Variants in PTPRN2 observed in about 807,000 individuals in gnomAD.
PTPRN2 encodes the protein protein tyrosine phosphatase receptor type N2.
In PTPRN2, 74 loss-of-function variants were observed where a neutral mutation model predicts 118.8. That is an observed-to-expected ratio of 0.62 (90% CI 0.52 to 0.76). The LOEUF (loss-of-function observed/expected upper bound fraction) is 0.76. Among genes scored for constraint, PTPRN2 ranks in the 30% least tolerant of loss-of-function variants. PTPRN2 has a pLI of 0.00. For missense variants in PTPRN2, 1,481 were observed against 1,394.4 expected (o/e 1.06, Z -0.99); for synonymous variants, 641 against 608.0 (o/e 1.05, Z -0.80).
chr7:157,682,565 C>T (rs981521532), intron 13 of PTPRN2, among the ~76,000 whole-genome samples, 160 bp downstream of exon 13: 8 of 152,136 alleles, frequency 5.3e-5, no homozygotes, highest in Admixed American at 3.3e-4. Context: ...CGTATTTGCA[C>T]GAATGCTGAT....
rs1803838121 is a variant in PTPRN2, at chr7:157,986,915, T to C, written c.1724-88178A>G. Among the ~76,000 whole-genome samples the C allele has an allele frequency of 1.3e-5, 2 of 152,104 alleles. No individual in the cohort carries two copies. Among genetic ancestry groups the C allele is most frequent in the Admixed American group, 1.3e-4 (2 of 15,272 alleles). ...CTGGAGCGAGGGGGCCCAGTGACTT[T>C]GGGGTCATTTGCACGGTATCAGCTA... is the stretch of plus-strand genomic sequence containing the variant. On this transcript the variant is annotated intron_variant, in intron 11 of 22. Transcript: ENST00000389418. The surrounding 1 kb of genome is among the most constrained non-coding windows in gnomAD (Gnocchi z 4.5).
intron 12 of PTPRN2, among the ~76,000 whole-genome samples, chr7:157,754,794 TA>T: frequency 6.6e-6 from 1 of 152,358 alleles, no homozygotes; most frequent in East Asian, 1.9e-4. Flanking sequence ...AAAGGTGGCG[TA>T]AACACTGGAG....
At chr7:158,031,341 C>T (rs1807674985) in intron 11 of PTPRN2, among the ~76,000 whole-genome samples, 1 of 152,178 alleles carries the variant, frequency 6.6e-6, no homozygotes, top group Admixed American at 6.5e-5. Context: ...CAGTATCTGA[C>T]ATTTGGGGTC....
chr7:158,033,885 A>G (rs1424514902), intron 11 of PTPRN2, among the ~76,000 whole-genome samples: 1 of 146,348 alleles, frequency 6.8e-6, no homozygotes, highest in East Asian at 2.1e-4. Context: ...GTGGCTGCAC[A>G]CTGAGACCCC....
At position 158,067,658 on chromosome 7, in the gene PTPRN2, G is replaced by T. The variant is rs531537536; in HGVS notation, c.1723+13640C>A. Among the ~76,000 whole-genome samples, 24 of 152,302 alleles carry T rather than the reference G, an allele frequency of 1.6e-4. No individual in the cohort carries two copies. The East Asian group carries it at 4.4e-3, about 28-fold the overall frequency. On this transcript the variant is annotated intron_variant, in intron 11 of 22. Transcript: ENST00000389418. ...TCGGGCAGTCCACCGTGACCACGCA[G>T]CTCTGCCTGTGGCGAAAGCTGCCAG... is the stretch of plus-strand genomic sequence containing the variant.
In PTPRN2 at chr7:157,647,048, C is replaced by T. The variant is rs868321748; in HGVS notation, c.2196+9309G>A. On this transcript the variant is annotated intron_variant, in intron 14 of 22. Transcript: ENST00000389418. ...AACTCGGTGGGTCGGACCCATCCAG[C>T]GTGCACTGAACTCGGTGGGTCGGAC... 2.5e-4 allele frequency among the ~76,000 whole-genome samples: 32 copies of T among 126,668 alleles called. No homozygotes were observed. The East Asian group carries it at 2.6e-3, about 10-fold the overall frequency. 83.1% of individuals were successfully genotyped at this position (126,668 alleles called of 152,430 possible).
intron 12 of PTPRN2, among the ~76,000 whole-genome samples, chr7:157,734,618 G>C (rs190676873): frequency 6.6e-6 from 1 of 152,190 alleles, no homozygotes; most frequent in Non-Finnish European, 1.5e-5. Context: ...TGATTCAGCC[G>C]AGACGCCCCA....
intron 3 of PTPRN2, among the ~76,000 whole-genome samples, chr7:158,314,640 G>A (rs1802139639): frequency 6.6e-6 from 1 of 151,460 alleles, no homozygotes; most frequent in Non-Finnish European, 1.5e-5. Context: ...TGTGCATCAG[G>A]GAGCTGCCCG....
chr7:158,518,962 G>A (rs577146311), intron 1 of PTPRN2, among the ~76,000 whole-genome samples: 75 of 152,238 alleles, frequency 4.9e-4, no homozygotes, highest in African/African-American at 1.7e-3. Context: ...TCCAGCCTGG[G>A]TGACAAAGCA....
In PTPRN2 at chr7:157,967,266, T is replaced by A. The variant is rs556288013; in HGVS notation, c.1724-68529A>T. On this transcript the variant is annotated intron_variant, in intron 11 of 22. Transcript: ENST00000389418. ...TCGAGGCTGCAGTGCACTGTGATTG[T>A]GCCACTGCACTCCAGCCTGGGCGAC... 2.0e-5 allele frequency among the ~76,000 whole-genome samples: 3 copies of A among 152,352 alleles called. No homozygotes were observed. In the South Asian group the frequency reaches 6.2e-4, roughly 32 times the overall value.
At chr7:157,680,071 T>C (rs1796849033) in intron 13 of PTPRN2, among the ~76,000 whole-genome samples, 1 of 152,246 alleles carries the variant, frequency 6.6e-6, no homozygotes, top group Non-Finnish European at 1.5e-5. Flanking sequence ...ATAAAACTTA[T>C]GATATTGCCA....
intron 2 of PTPRN2, among the ~76,000 whole-genome samples, chr7:158,463,595 C>T (rs1819164541): frequency 6.6e-6 from 1 of 151,240 alleles, no homozygotes; most frequent in Non-Finnish European, 1.5e-5. Flanking sequence ...TCACCGTCAC[C>T]ATCATCATTG....
At chr7:157,704,918 A>G (rs1798250805) in intron 12 of PTPRN2, among the ~76,000 whole-genome samples, 1 of 152,256 alleles carries the variant, frequency 6.6e-6, no homozygotes. Context: ...AGTGACTGTT[A>G]TCAAATGTCT....
chr7:157,557,215 T>C (rs1313062706), intron 21 of PTPRN2, among the ~76,000 whole-genome samples: 2 of 142,308 alleles, frequency 1.4e-5, no homozygotes, highest in East Asian at 2.1e-4. Context: ...CCCACTTACA[T>C]AGGTCATACA....
chr7:158,233,307 C>A (rs1241549361), intron 3 of PTPRN2, among the ~76,000 whole-genome samples: 2 of 152,138 alleles, frequency 1.3e-5, no homozygotes, highest in African/African-American at 4.8e-5. Flanking sequence ...TAAAGTAACC[C>A]TATTTCCAAT....
chr7:158,254,769 A>G (rs1585999141), intron 3 of PTPRN2, among the ~76,000 whole-genome samples: 1 of 152,278 alleles, frequency 6.6e-6, no homozygotes, highest in Non-Finnish European at 1.5e-5. Flanking sequence ...AGCAGAGGGC[A>G]TGAGTTTCAC....
At chr7:158,294,815 C>T (rs1465465624) in intron 3 of PTPRN2, among the ~76,000 whole-genome samples, 1 of 152,158 alleles carries the variant, frequency 6.6e-6, no homozygotes, top group African/African-American at 2.4e-5. Context: ...GCTGACCCTG[C>T]CTGTCTGCCC....
intron 12 of PTPRN2, among the ~76,000 whole-genome samples, chr7:157,807,670 C>T (rs1585520333): frequency 1.3e-5 from 2 of 152,366 alleles, no homozygotes; most frequent in South Asian, 4.1e-4. Flanking sequence ...TCCTTCACAT[C>T]CTGGAGCTTT....
chr7:158,146,830 G>A (rs185393866), intron 6 of PTPRN2, among the ~76,000 whole-genome samples: 2 of 152,038 alleles, frequency 1.3e-5, no homozygotes, highest in East Asian at 3.9e-4. Flanking sequence ...AAAATGTTTT[G>A]GAGGCCAGAG....
Sources: allele counts gnomAD v4.1 joint callset (sites outside exome capture counted in the v4.1 genomes callset), GRCh38; gene constraint gnomAD v4.1.1; non-coding constraint Gnocchi (gnomAD v3.1); transcripts MANE v1.5; gene names NCBI Gene and HGNC (gene_info 2026-07-23, HGNC 2026-07-21).